The following GLDN variants were observed in gnomAD, a reference collection of about 807,000 sequenced individuals.
GLDN encodes the protein collomin.
In GLDN, 47 loss-of-function variants were observed where a neutral mutation model predicts 56.5. The observed-to-expected ratio is 0.83, with a 90% CI of 0.66 to 1.06. The LOEUF (loss-of-function observed/expected upper bound fraction) is 1.06. Ranked by LOEUF, GLDN falls within the 50% of genes least tolerant of loss-of-function variation. The probability of loss-of-function intolerance (pLI) is 0.00; values close to 1 mark genes in which losing one functional copy is unlikely to be tolerated. For synonymous variants in GLDN, 332 were observed against 278.8 expected (o/e 1.19, Z -1.90); for missense variants, 782 against 714.3 (o/e 1.09, Z -1.08).
At chr15:51,394,804 A>T (rs918660133) in intron 4 of GLDN, 31 bp from the exon 5 acceptor site, 1 of 1,613,216 alleles carries the variant, frequency 6.2e-7, no homozygotes, top group Non-Finnish European at 8.5e-7. Flanking sequence ...TTTGCACCAT[A>T]GGCTAATATG....
At chr15:51,410,588 A>T (rs1406321508), downstream of GLDN, among the ~76,000 whole-genome samples, 4 of 152,106 alleles carry the variant, frequency 2.6e-5, no homozygotes, top group Non-Finnish European at 5.9e-5. Flanking sequence ...ACAGGTGTTG[A>T]TCCTAAGGGC....
At chr15:51,357,352 G>T (rs1050085228) in intron 1 of GLDN, among the ~76,000 whole-genome samples, 2 of 152,232 alleles carry the variant, frequency 1.3e-5, no homozygotes, top group African/African-American at 4.8e-5. Flanking sequence ...ATCGGGAGAA[G>T]ACTTCTCGTC....
chr15:51,396,335 C>T (rs1193462300), intron 5 of GLDN, among the ~76,000 whole-genome samples: 1 of 152,218 alleles, frequency 6.6e-6, no homozygotes, highest in Non-Finnish European at 1.5e-5. Context: ...TAAGGATACA[C>T]TTCAGTTATT....
At chr15:51,408,726 C>A (rs1430944994), downstream of GLDN, among the ~76,000 whole-genome samples, 1 of 152,142 alleles carries the variant, frequency 6.6e-6, no homozygotes, top group Non-Finnish European at 1.5e-5. Context: ...GTTCCCCACC[C>A]TGTGTCCAAG....
At chr15:51,383,634 C>T (rs2037818472) in intron 3 of GLDN, 151 bp from the exon 4 acceptor site, 5 of 957,256 alleles carry the variant, frequency 5.2e-6, no homozygotes, top group Admixed American at 2.4e-5. Flanking sequence ...GGCACTGCTT[C>T]AGCCAGAGAA....
chr15:51,398,414 T>C (rs966525368), intron 6 of GLDN, among the ~76,000 whole-genome samples: 1 of 152,192 alleles, frequency 6.6e-6, no homozygotes, highest in African/African-American at 2.4e-5. Flanking sequence ...ATGCTAGGAC[T>C]TCTCTCCCAA....
rs759935341 is a variant in GLDN, at chr15:51,377,440, C to T, written c.364-9C>T. On this transcript the variant is annotated splice_polypyrimidine_tract_variant and intron_variant, in intron 1 of 9. Coordinates refer to ENST00000335449, the MANE Select transcript of GLDN (RefSeq NM_181789.4). ...ACTGTCTGCTCTGATGACCCTCTCT[C>T]CCCTGCAGATCCGAGTGATGGTGGA... The T allele has an allele frequency of 8.1e-6, 13 of 1,612,986 alleles. No homozygotes were observed. Among genetic ancestry groups the T allele is most frequent in the Middle Eastern group, 1.6e-4 (1 of 6,082 alleles).
chr15:51,374,722 T>A (rs1022241530), intron 1 of GLDN, among the ~76,000 whole-genome samples: 2 of 144,412 alleles, frequency 1.4e-5, no homozygotes, highest in African/African-American at 4.9e-5. Flanking sequence ...TACACATTTC[T>A]TTTCTTTCTT....
intron 1 of GLDN, among the ~76,000 whole-genome samples, chr15:51,343,991 CT>C (rs1460988134): frequency 3.3e-5 from 5 of 152,208 alleles, no homozygotes; most frequent in Admixed American, 2.0e-4. Flanking sequence ...GTCTCTAACA[CT>C]GAGTCTTTAT....
intron 2 of GLDN, among the ~76,000 whole-genome samples, chr15:51,378,624 C>T (rs2470174): frequency 0.088 from 13,330 of 152,146 alleles, 714 homozygotes; most frequent in East Asian, 0.25. Context: ...GAGTGGGGAA[C>T]GACGTCTGCA....
At chr15:51,352,184 A>G (rs2037088976) in intron 1 of GLDN, among the ~76,000 whole-genome samples, 1 of 152,016 alleles carries the variant, frequency 6.6e-6, no homozygotes, top group African/African-American at 2.4e-5. Context: ...TGGTTCATAG[A>G]TGGCACCTTC....
At chr15:51,368,350 G>A (rs1000021751) in intron 1 of GLDN, among the ~76,000 whole-genome samples, 1 of 147,794 alleles carries the variant, frequency 6.8e-6, no homozygotes, top group Non-Finnish European at 1.5e-5. Flanking sequence ...GCACAGAAAC[G>A]GGCAGTCAGT....
intron 1 of GLDN, among the ~76,000 whole-genome samples, chr15:51,365,910 T>C (rs1435301803): frequency 1.3e-5 from 2 of 152,242 alleles, no homozygotes; most frequent in East Asian, 1.9e-4. Context: ...GTTACATTTG[T>C]ATGTGTTTAA....
chr15:51,343,191 G>A (rs2036917134), intron 1 of GLDN, among the ~76,000 whole-genome samples: 1 of 152,168 alleles, frequency 6.6e-6, no homozygotes, highest in South Asian at 2.1e-4. Flanking sequence ...TAACTTACAT[G>A]AGCTGAAATG....
intron 6 of GLDN, among the ~76,000 whole-genome samples, chr15:51,399,715 G>C (rs898330989): frequency 6.6e-6 from 1 of 152,178 alleles, no homozygotes; most frequent in Non-Finnish European, 1.5e-5. Context: ...TCTCTCCCAG[G>C]AAGATGCTGC....
rs200482083 is a variant in GLDN at position 51,378,484 on chromosome 15, AC to A, written c.415+985del. On this transcript the variant is annotated intron_variant, in intron 2 of 9. Transcript: ENST00000335449. ...GAAATGGATGGATGGAATTACAGGC[AC>A]AAAAGCCTGTTGAGAGGCACAGGAA... is the stretch of plus-strand genomic sequence containing the variant. 8.7e-3 allele frequency among the ~76,000 whole-genome samples: 1,328 copies of A among 152,288 alleles called. 21 individuals are homozygous for A. Among genetic ancestry groups the A allele is most frequent in the African/African-American group, 0.03 (1,255 of 41,550 alleles).
chr15:51,390,452 A>G (rs2037992805), intron 4 of GLDN, among the ~76,000 whole-genome samples: 2 of 152,208 alleles, frequency 1.3e-5, no homozygotes, highest in Non-Finnish European at 2.9e-5. Context: ...CTGATGTTCC[A>G]TTGCCTCAAA....
chr15:51,404,938 T>A lies in GLDN; in HGVS notation c.*184T>A. The stretch of plus-strand genomic sequence containing the variant: ...GATTGGAAGTTGAAATGGCTGAGAT[T>A]TGGTGATCTCCCCACAGCTGGCTCT... On this transcript the variant is annotated 3_prime_UTR_variant, in exon 10 of 10. Transcript: ENST00000335449. The A allele has an allele frequency of 1.7e-6, 1 of 573,316 alleles. No homozygotes were observed. Among genetic ancestry groups the A allele is most frequent in the Non-Finnish European group, 3.1e-6 (1 of 322,550 alleles). The allele number at this position is 573,316 out of a possible 1,614,324, so 35.5% of individuals were successfully genotyped here.
At position 51,400,434 on chromosome 15, in the gene GLDN, G is replaced by A; in HGVS notation, c.963G>A (p.Gly321=). The A allele has an allele frequency of 6.2e-7, 1 of 1,614,186 alleles. No homozygotes were observed. ...VQVLKVTETF[G]TWIRESANKS... ...TACTGAAAGTGACAGAGACATTTGGGACTTGGATAAGAGAGTCTGCTAACA... is the reference window on the plus strand; with the variant it reads ...TACTGAAAGTGACAGAGACATTTGGAACTTGGATAAGAGAGTCTGCTAACA... Residue 321 remains glycine (G), a synonymous_variant, in exon 8 of 10, where the codon GGG becomes GGA. Transcript: ENST00000335449.
Sources: allele counts gnomAD v4.1 joint callset (sites outside exome capture counted in the v4.1 genomes callset), GRCh38; gene constraint gnomAD v4.1.1; transcripts MANE v1.5; gene names NCBI Gene and HGNC (gene_info 2026-07-23, HGNC 2026-07-21).